Variants in ELF2 observed in about 807,000 individuals in gnomAD.
The protein encoded by ELF2 is ETS-related transcription factor Elf-2.
In ELF2, 11 loss-of-function variants were observed where a neutral mutation model predicts 54.8. That is an observed-to-expected ratio of 0.20 (90% CI 0.13 to 0.33). The LOEUF (loss-of-function observed/expected upper bound fraction) is 0.33, where lower values mean the gene tolerates loss of function less well. Among genes scored for constraint, ELF2 ranks in the 10% least tolerant of loss-of-function variants. ELF2 has a pLI of 1.00. For synonymous variants in ELF2, 203 were observed against 245.1 expected, an observed-to-expected ratio of 0.83 and a Z score of 1.61; for missense variants, 513 against 703.0, an observed-to-expected ratio of 0.73 and a Z score of 3.06.
chr4:139,087,092 T>C (rs1249245964), intron 4 of ELF2, among the ~76,000 whole-genome samples: 1 of 152,208 alleles, frequency 6.6e-6, no homozygotes, highest in Non-Finnish European at 1.5e-5. Flanking sequence ...GATACATACT[T>C]AGCTTAGGTG....
At chr4:139,108,303 T>C (rs1338705323) in intron 4 of ELF2, among the ~76,000 whole-genome samples, 2 of 152,206 alleles carry the variant, frequency 1.3e-5, no homozygotes, top group African/African-American at 4.8e-5. Flanking sequence ...AAACTCGTAC[T>C]AACAGAAAGT....
intron 4 of ELF2, among the ~76,000 whole-genome samples, chr4:139,094,763 TA>T (rs1733062753): frequency 6.6e-6 from 1 of 152,176 alleles, no homozygotes; most frequent in Admixed American, 6.5e-5. Context: ...AATGTCATTT[TA>T]AAAAATGAGT....
At chr4:139,148,393 C>T (rs901476234) in intron 1 of ELF2, among the ~76,000 whole-genome samples, 4 of 125,676 alleles carry the variant, frequency 3.2e-5, no homozygotes, top group African/African-American at 9.0e-5. Flanking sequence ...TCTCAAATTC[C>T]TGGGCTCAAG....
At chr4:139,084,449 G>T (rs1341299357) in intron 4 of ELF2, 1 of 1,162,772 alleles carries the variant, frequency 8.6e-7, no homozygotes, top group African/African-American at 1.6e-5. Context: ...GGCGGCGGCG[G>T]CGGCGGCGGC....
At chr4:139,172,879 T>A in intron 1 of ELF2, among the ~76,000 whole-genome samples, 1 of 5,912 alleles carries the variant, frequency 1.7e-4, no homozygotes, top group Non-Finnish European at 2.8e-4. Flanking sequence ...CCCACACAGA[T>A]AACGGGGGGG....
chr4:139,073,393 T>C (rs1729802751), intron 5 of ELF2, 61 bp downstream of exon 5: 3 of 1,251,194 alleles, frequency 2.4e-6, no homozygotes, highest in Non-Finnish European at 3.3e-6. Context: ...AACAAAAAAC[T>C]TTATTTTAGA....
chr4:139,162,066 C>A (rs1741229441), intron 1 of ELF2, among the ~76,000 whole-genome samples: 1 of 152,076 alleles, frequency 6.6e-6, no homozygotes, highest in African/African-American at 2.4e-5. Context: ...TGCACTCTAG[C>A]TGGGGCGACA....
intron 1 of ELF2, among the ~76,000 whole-genome samples, chr4:139,176,579 T>G (rs1215823585): frequency 2.0e-5 from 3 of 151,932 alleles, no homozygotes; most frequent in Admixed American, 2.0e-4. Flanking sequence ...GTCAGTTCAG[T>G]CCGCTTCTCG....
At chr4:139,137,564 T>C in intron 3 of ELF2, 66 bp downstream of exon 3, 1 of 1,488,694 alleles carries the variant, frequency 6.7e-7, no homozygotes, top group Non-Finnish European at 9.4e-7. Context: ...TCCTATTAAT[T>C]TCAAAATTAG....
intron 1 of ELF2, among the ~76,000 whole-genome samples, chr4:139,148,100 TA>T (rs146479159): frequency 3.4e-4 from 49 of 142,880 alleles, no homozygotes; most frequent in South Asian, 6.6e-4. Context: ...CCCTGTACCT[TA>T]AAAAAAAAAA....
chr4:139,134,919 GACT>G (rs762531535), intron 3 of ELF2, among the ~76,000 whole-genome samples: 74 of 151,578 alleles, frequency 4.9e-4, no homozygotes, highest in African/African-American at 7.3e-4. Context: ...TTAAATATAT[GACT>G]ACATTTTATA....
chr4:139,147,008 A>G (rs1211241426), intron 1 of ELF2, among the ~76,000 whole-genome samples: 1 of 152,226 alleles, frequency 6.6e-6, no homozygotes, highest in African/African-American at 2.4e-5. Flanking sequence ...AAATGCAACT[A>G]AAACAAAAAT....
chr4:139,101,622 T>C (rs1733881900), intron 4 of ELF2: 1 of 152,240 alleles, frequency 6.6e-6, no homozygotes, highest in Non-Finnish European at 1.5e-5. Context: ...TATATGATCT[T>C]ACAATAGTGG....
In ELF2 at chr4:139,137,770, T is replaced by A; in HGVS notation, c.-69A>T. ...TTAAAGGTTCACTGATGGTTGCCAG[T>A]GTTATAGGTTTGCATTATCATGTTT... On this transcript the variant is annotated 5_prime_UTR_variant, in exon 3 of 10. Transcript: ENST00000686138. 1.3e-6 allele frequency: 2 copies of A among 1,592,982 alleles called. No homozygotes were observed. The highest frequency in any genetic ancestry group is 2.3e-5 in the South Asian group (2 of 87,772).
chr4:139,128,062 G>A (rs577268174), intron 3 of ELF2, among the ~76,000 whole-genome samples: 1 of 151,786 alleles, frequency 6.6e-6, no homozygotes, highest in African/African-American at 2.4e-5. Flanking sequence ...TTGAGCCCAG[G>A]AGTTCAAGAC....
chr4:139,084,309 G>A, intron 4 of ELF2: 1 of 1,590,402 alleles, frequency 6.3e-7, no homozygotes, highest in South Asian at 1.1e-5. Context: ...ACACACTCAC[G>A]CACTCGCACA....
chr4:139,153,213 T>C (rs576199969), intron 1 of ELF2, among the ~76,000 whole-genome samples: 8 of 152,212 alleles, frequency 5.3e-5, no homozygotes, highest in South Asian at 4.1e-4. Context: ...GGAAGGCAGA[T>C]TGCTTGACCC....
At chr4:139,154,432 C>G (rs1263598942) in intron 1 of ELF2, among the ~76,000 whole-genome samples, 1 of 150,474 alleles carries the variant, frequency 6.6e-6, no homozygotes, top group Non-Finnish European at 1.5e-5. Flanking sequence ...TTTAATAATA[C>G]AAGACCCTAA....
At chr4:139,161,178 A>G (rs1222408418) in intron 1 of ELF2, among the ~76,000 whole-genome samples, 1 of 152,172 alleles carries the variant, frequency 6.6e-6, no homozygotes, top group Admixed American at 6.6e-5. Flanking sequence ...TGCTTACATA[A>G]ATTGTTAAAA....
Sources: gnomAD v4.1 joint callset for allele counts (sites outside exome capture counted in the v4.1 genomes callset) on GRCh38, gnomAD v4.1.1 for gene constraint, MANE v1.5 for transcripts, NCBI Gene and HGNC (gene_info 2026-07-23, HGNC 2026-07-21) for gene names.